Variants in RAB11FIP4 observed in about 807,000 individuals in gnomAD.
The protein encoded by RAB11FIP4 is rab11 family-interacting protein 4.
Under a neutral mutation model 74.3 loss-of-function variants are expected in RAB11FIP4, and 23 were observed. The observed-to-expected ratio is 0.31, with a 90% CI of 0.22 to 0.44. The LOEUF is 0.44. RAB11FIP4 is among the 20% of genes least tolerant of loss of function. RAB11FIP4 has a pLI of 1.00. For missense variants in RAB11FIP4, 630 were observed against 863.9 expected (o/e 0.73, Z 3.39); for synonymous variants, 360 against 359.9 (o/e 1.00, Z 0.00).
chr17:31,450,310 C>T (rs1015353527), intron 3 of RAB11FIP4, among the ~76,000 whole-genome samples: 3 of 145,730 alleles, frequency 2.1e-5, no homozygotes, highest in Non-Finnish European at 4.5e-5. Flanking sequence ...CACCACCCCC[C>T]CGCCACCGGC....
intron 4 of RAB11FIP4, among the ~76,000 whole-genome samples, chr17:31,520,693 G>C (rs2072647262): frequency 6.6e-6 from 1 of 152,058 alleles, no homozygotes; most frequent in Non-Finnish European, 1.5e-5. Flanking sequence ...ATTTCTAGTA[G>C]AGTTGGGGTT....
Position 31,523,969 on chromosome 17 carries a change from A to G in RAB11FIP4, c.1106A>G (p.Lys369Arg), listed in dbSNP as rs892936858. 5.6e-6 allele frequency: 9 copies of G among 1,612,216 alleles called. No homozygotes were observed. Among genetic ancestry groups the G allele is most frequent in the Non-Finnish European group, 7.6e-6 (9 of 1,179,354 alleles). ...AATGGGGACCTGAAGAGCAAGCTGA[A>G]GCAAGAGAACACACAGCTGGTGCAC... ...LTNGDLKSKL[K>R]QENTQLVHRV... The change falls in exon 9 of 15, where the codon AAG (lysine) becomes AGG (arginine). Residue 369 changes from lysine to arginine, a missense_variant. By Grantham distance (26) the Lys-to-Arg change is conservative. Coordinates refer to ENST00000621161, the MANE Select transcript of RAB11FIP4 (RefSeq NM_032932.6).
chr17:31,424,065 A>G (rs1179605019), intron 1 of RAB11FIP4, among the ~76,000 whole-genome samples: 1 of 152,048 alleles, frequency 6.6e-6, no homozygotes, highest in African/African-American at 2.4e-5. Context: ...CATCAGAAAG[A>G]GAGTTTCTTC....
chr17:31,404,720 C>T (rs2151616636), intron 1 of RAB11FIP4, among the ~76,000 whole-genome samples: 1 of 152,224 alleles, frequency 6.6e-6, no homozygotes, highest in Non-Finnish European at 1.5e-5. Flanking sequence ...GATTCCTTCC[C>T]TGCGGTGGGG....
At chr17:31,486,814 G>GGGGACCTAATGC (rs777318960) in intron 3 of RAB11FIP4, among the ~76,000 whole-genome samples, 189 of 152,348 alleles carry the variant, frequency 1.2e-3, no homozygotes, top group Non-Finnish European at 2.3e-3. Flanking sequence ...CATTTGGAAA[G>GGGGACCTAATGC]TCCCCAGCAG....
chr17:31,476,828 G>A (rs756714503), intron 3 of RAB11FIP4, among the ~76,000 whole-genome samples: 1 of 152,216 alleles, frequency 6.6e-6, no homozygotes, highest in East Asian at 1.9e-4. Flanking sequence ...CAGTGGCTCC[G>A]TGTCCAGAGG....
intron 3 of RAB11FIP4, among the ~76,000 whole-genome samples, chr17:31,468,240 G>A (rs554114651): frequency 3.9e-5 from 6 of 152,120 alleles, no homozygotes; most frequent in South Asian, 4.2e-4. Context: ...TCCTCGCTTC[G>A]TCTCCCTTCC....
intron 3 of RAB11FIP4, among the ~76,000 whole-genome samples, chr17:31,474,463 G>A (rs1040545933): frequency 6.6e-6 from 1 of 152,086 alleles, no homozygotes; most frequent in Admixed American, 6.6e-5. Context: ...CTTAAGGTCA[G>A]GAGTTTGAGA....
chr17:31,404,544 C>T (rs2071025391), intron 1 of RAB11FIP4, among the ~76,000 whole-genome samples: 1 of 152,204 alleles, frequency 6.6e-6, no homozygotes, highest in Admixed American at 6.5e-5. Flanking sequence ...CATGTTAAAC[C>T]CTCAAAACGA....
rs1289238819 is a variant in RAB11FIP4, at chr17:31,445,568, ATATATATATATTTTTTTTT to A, written c.336+11448_336+11466del. On this transcript the variant is annotated intron_variant, in intron 3 of 14. Transcript: ENST00000621161. ...TATATATATATATATATATATATATATATATATATATTTTTTTTTTTTTTTTTTTTTTTTTGACACGGAG... is the reference window on the plus strand; with the variant it reads ...TATATATATATATATATATATATATATTTTTTTTTTTTTTTTGACACGGAG... 3.3e-3 allele frequency among the ~76,000 whole-genome samples: 42 copies of A among 12,678 alleles called. 2 individuals carry two copies. Among genetic ancestry groups the A allele is most frequent in the East Asian group, 0.023 (6 of 264 alleles). The allele number at this position is 12,678 out of a possible 152,430, so 8.3% of individuals were successfully genotyped here.
At chr17:31,409,561 G>A (rs1283455416) in intron 1 of RAB11FIP4, among the ~76,000 whole-genome samples, 2 of 152,104 alleles carry the variant, frequency 1.3e-5, no homozygotes, top group Non-Finnish European at 2.9e-5. Flanking sequence ...TGCAACGTTG[G>A]GTAGAAAGAA....
chr17:31,452,956 G>A (rs959727100), intron 3 of RAB11FIP4, among the ~76,000 whole-genome samples: 3 of 152,166 alleles, frequency 2.0e-5, no homozygotes, highest in Non-Finnish European at 4.4e-5. Flanking sequence ...AGCTGACCCC[G>A]CGGGGAACTG....
chr17:31,484,071 CTTTT>C (rs530656307), intron 3 of RAB11FIP4, among the ~76,000 whole-genome samples: 1 of 115,850 alleles, frequency 8.6e-6, no homozygotes. Flanking sequence ...AAGATCTTAT[CTTTT>C]TTTTTTTTTT....
At chr17:31,399,647 A>G (rs1160144559) in intron 1 of RAB11FIP4, among the ~76,000 whole-genome samples, 1 of 152,140 alleles carries the variant, frequency 6.6e-6, no homozygotes, top group East Asian at 1.9e-4. Context: ...CGGGAGGCGG[A>G]GGTTGCAGTG....
intron 3 of RAB11FIP4, among the ~76,000 whole-genome samples, chr17:31,445,564 ATATATATATATATATTTTTTTTTTT>A (rs1260288836): frequency 6.9e-4 from 9 of 13,114 alleles, no homozygotes; most frequent in African/African-American, 2.2e-3. Context: ...ATATATATAT[ATATATATATATATATTTTTTTTTTT>A]TTTTTTTTTT....
intron 1 of RAB11FIP4, 185 bp from the exon 2 acceptor site, chr17:31,431,628 C>T (rs553877859): frequency 4.2e-5 from 23 of 544,430 alleles, no homozygotes; most frequent in African/African-American, 2.0e-4. Flanking sequence ...TTTCTTTGCC[C>T]GAGTTGTCTG....
chr17:31,446,376 G>A (rs1011733124), intron 3 of RAB11FIP4, among the ~76,000 whole-genome samples: 2 of 152,124 alleles, frequency 1.3e-5, no homozygotes, highest in African/African-American at 4.8e-5. Context: ...TGTGTGTGCG[G>A]CCGAGCGTCC....
Position 31,426,747 on chromosome 17 carries a change from C to T in RAB11FIP4, c.160-5066C>T, listed in dbSNP as rs1344651811. Among the ~76,000 whole-genome samples the T allele has an allele frequency of 4.6e-5, 7 of 151,648 alleles. No individual in the cohort carries two copies. The South Asian group carries it at 1.2e-3, about 27-fold the overall frequency. The stretch of plus-strand genomic sequence containing the variant: ...CCAAGTAGCTGGGACTACAGGTGCA[C>T]ACCACCATGCCCAGCTACTTTTTCT... On this transcript the variant is annotated intron_variant, in intron 1 of 14. Transcript: ENST00000621161.
Position 31,532,764 on chromosome 17 carries a change from A to C in RAB11FIP4, c.*1032A>C, listed in dbSNP as rs1012254574. ...TCCGGGCTCCACTCGTGTGGCAGCA[A>C]GACTGCTTCGTTCCAGCGTTTAGAA... On this transcript the variant is annotated 3_prime_UTR_variant, in exon 15 of 15. Transcript: ENST00000621161. 1 of 152,204 alleles carries C rather than the reference A, an allele frequency of 6.6e-6. No individual in the cohort carries two copies. Among genetic ancestry groups the C allele is most frequent in the African/African-American group, 2.4e-5 (1 of 41,454 alleles). 9.4% of individuals were successfully genotyped at this position (152,204 alleles called of 1,614,324 possible).
Sources: allele counts gnomAD v4.1 joint callset (sites outside exome capture counted in the v4.1 genomes callset), GRCh38; gene constraint gnomAD v4.1.1; transcripts MANE v1.5; gene names NCBI Gene and HGNC (gene_info 2026-07-23, HGNC 2026-07-21).